EDNRB: variants seen among roughly 807,000 people sequenced by gnomAD.
The protein encoded by EDNRB is Hirschsprung disease 2.
A neutral mutation model predicts 46.4 loss-of-function variants in EDNRB; 18 were observed. The ratio of observed to expected loss-of-function variants is 0.39; its 90% CI spans 0.27 to 0.57. EDNRB has a LOEUF of 0.57. Among genes scored for constraint, EDNRB ranks in the 20% least tolerant of loss-of-function variants. The pLI, the probability that EDNRB is intolerant of heterozygous loss-of-function variation, is 0.61. For missense variants in EDNRB, 434 were observed against 537.5 expected, an observed-to-expected ratio of 0.81 and a Z score of 1.90; for synonymous variants, 213 against 204.9, an observed-to-expected ratio of 1.04 and a Z score of -0.34.
intron 2 of EDNRB, 31 bp downstream of exon 2, chr13:77,903,464 G>A (rs570244135): frequency 6.2e-7 from 1 of 1,603,210 alleles, no homozygotes; most frequent in East Asian, 2.2e-5. Flanking sequence ...TATATATTCA[G>A]AATATACTTG....
intron 1 of EDNRB, among the ~76,000 whole-genome samples, chr13:77,909,441 T>C (rs976783114): frequency 3.3e-5 from 5 of 151,862 alleles, no homozygotes; most frequent in Admixed American, 1.3e-4. Flanking sequence ...CTTGAGATAA[T>C]AAATGAAGAA....
At position 77,940,638 on chromosome 13, in the gene EDNRB, C is replaced by T. The variant is rs144247783; in HGVS notation, c.-51-22014G>A. Reference sequence around the variant, plus strand: ...ATGAGAAGCATGTATACTCACACTGCGTGTTATGAACAGATTAGTTTGTCA... The same window carrying T: ...ATGAGAAGCATGTATACTCACACTGTGTGTTATGAACAGATTAGTTTGTCA... On this transcript the variant is annotated intron_variant, in intron 1 of 7. Coordinates refer to the EDNRB transcript ENST00000646948. Among the ~76,000 whole-genome samples the T allele has an allele frequency of 5.7e-4, 86 of 151,650 alleles. No homozygotes were observed. In the South Asian group the frequency reaches 7.9e-3, roughly 14 times the overall value.
At chr13:77,913,280 G>C (rs1879663664) in intron 1 of EDNRB, among the ~76,000 whole-genome samples, 1 of 152,064 alleles carries the variant, frequency 6.6e-6, no homozygotes, top group South Asian at 2.1e-4. Flanking sequence ...CCCTTAACTA[G>C]TTAAACGTTA....
At chr13:77,939,030 A>C (rs1880655791) in intron 1 of EDNRB, 1 of 152,380 alleles carries the variant, frequency 6.6e-6, no homozygotes, top group African/African-American at 2.4e-5. Flanking sequence ...TGTGAGCAAT[A>C]AAGCTTTTAA....
At chr13:77,967,341 T>A (rs1234990640) in intron 1 of EDNRB, among the ~76,000 whole-genome samples, 2 of 152,188 alleles carry the variant, frequency 1.3e-5, no homozygotes, top group African/African-American at 4.8e-5. Context: ...GCCAATGAGA[T>A]GTGAGCCAAA....
intron 1 of EDNRB, among the ~76,000 whole-genome samples, chr13:77,962,528 T>G (rs1881454776): frequency 1.3e-5 from 2 of 152,158 alleles, no homozygotes; most frequent in South Asian, 4.1e-4. Context: ...ACCACATGAT[T>G]ATCACAATAG....
At chr13:77,963,067 T>A (rs1272738941) in intron 1 of EDNRB, among the ~76,000 whole-genome samples, 3 of 152,104 alleles carry the variant, frequency 2.0e-5, no homozygotes, top group African/African-American at 4.8e-5. Context: ...TTACAAGGGA[T>A]GTGAAGGACC....
At chr13:77,932,811 G>A (rs181254317) in intron 1 of EDNRB, among the ~76,000 whole-genome samples, 17 of 152,264 alleles carry the variant, frequency 1.1e-4, no homozygotes, top group Middle Eastern at 3.4e-3. Context: ...TTTAAACAGA[G>A]CTCAACTTTA....
chr13:77,934,245 C>A (rs1443980815), intron 1 of EDNRB, among the ~76,000 whole-genome samples: 2 of 152,136 alleles, frequency 1.3e-5, no homozygotes, highest in Non-Finnish European at 2.9e-5. Context: ...CGAGGACAGG[C>A]CTGAATTCTG....
chr13:77,906,397 C>T (rs1879280889), intron 1 of EDNRB, among the ~76,000 whole-genome samples: 1 of 152,026 alleles, frequency 6.6e-6, no homozygotes, highest in Non-Finnish European at 1.5e-5. Context: ...CCCTTCAAAA[C>T]ATGAAGCCTA....
At chr13:77,918,928 C>A, upstream of EDNRB, 2 of 1,195,688 alleles carry the variant, frequency 1.7e-6, no homozygotes, top group Non-Finnish European at 2.1e-6. This position sits in a 1 kb window ranked among gnomAD's most constrained non-coding sequence, Gnocchi z 4.5. Context: ...CCAGGCAAAG[C>A]TCCGAACTCT....
intron 1 of EDNRB, among the ~76,000 whole-genome samples, chr13:77,964,645 G>A (rs1181386364): frequency 6.6e-6 from 1 of 152,194 alleles, no homozygotes; most frequent in African/African-American, 2.4e-5. Flanking sequence ...CGGAGAAGAA[G>A]GAGGGATAGC....
chr13:77,905,860 C>A (rs1321019707), intron 1 of EDNRB, among the ~76,000 whole-genome samples: 1 of 151,916 alleles, frequency 6.6e-6, no homozygotes, highest in Non-Finnish European at 1.5e-5. Flanking sequence ...ACTGACCCAG[C>A]CCAAATGCAT....
intron 1 of EDNRB, among the ~76,000 whole-genome samples, chr13:77,929,472 T>G (rs1424479836): frequency 6.6e-6 from 1 of 152,210 alleles, no homozygotes; most frequent in African/African-American, 2.4e-5. Context: ...TAAGAGAACA[T>G]TATCATAGAT....
chr13:77,949,970 C>T (rs978932129), intron 1 of EDNRB, among the ~76,000 whole-genome samples: 6 of 152,136 alleles, frequency 3.9e-5, no homozygotes, highest in South Asian at 2.1e-4. Flanking sequence ...GATAGTTCTA[C>T]TCTGGATCTT....
At chr13:77,937,842 C>A (rs1428790999) in intron 1 of EDNRB, among the ~76,000 whole-genome samples, 1 of 151,944 alleles carries the variant, frequency 6.6e-6, no homozygotes, top group Admixed American at 6.6e-5. Context: ...AGGGGACAGG[C>A]AGGAGGGAAA....
chr13:77,909,276 T>C (rs1379235939), intron 1 of EDNRB, among the ~76,000 whole-genome samples: 2 of 152,068 alleles, frequency 1.3e-5, no homozygotes, highest in Non-Finnish European at 2.9e-5. Flanking sequence ...GTCATTTTGA[T>C]ATTATAGTTT....
chr13:77,953,977 A>G (rs1232391882), intron 1 of EDNRB, among the ~76,000 whole-genome samples: 1 of 152,196 alleles, frequency 6.6e-6, no homozygotes, highest in Non-Finnish European at 1.5e-5. Flanking sequence ...TTATATGTAC[A>G]TAAAAACAGA....
intron 1 of EDNRB, among the ~76,000 whole-genome samples, chr13:77,932,791 T>C (rs190392626): frequency 1.3e-5 from 2 of 152,370 alleles, no homozygotes; most frequent in Admixed American, 1.3e-4. Flanking sequence ...CGTTTTTCTT[T>C]CAATCCCATT....
Sources: gnomAD v4.1 joint callset for allele counts (sites outside exome capture counted in the v4.1 genomes callset) on GRCh38, gnomAD v4.1.1 for gene constraint, Gnocchi (gnomAD v3.1) non-coding constraint, MANE v1.5 for transcripts, NCBI Gene and HGNC (gene_info 2026-07-23, HGNC 2026-07-21) for gene names.